PABPC1L: variants seen among roughly 807,000 people sequenced by gnomAD.
PABPC1L encodes polyadenylate-binding protein 1-like.
PABPC1L carries 31 observed loss-of-function variants against 66.6 expected under a neutral mutation model. The observed-to-expected ratio is 0.47, with a 90% CI of 0.35 to 0.63. PABPC1L has a LOEUF of 0.63. PABPC1L is among the 20% of genes least tolerant of loss of function. The probability of loss-of-function intolerance (pLI) is 0.00; values close to 1 mark genes in which losing one functional copy is unlikely to be tolerated. For synonymous variants in PABPC1L, 348 were observed against 335.1 expected (o/e 1.04, Z -0.42); for missense variants, 722 against 848.8 (o/e 0.85, Z 1.86).
chr20:44,933,748 ATT>A (rs749525367), intron 10 of PABPC1L, among the ~76,000 whole-genome samples: 26 of 119,416 alleles, frequency 2.2e-4, no homozygotes, highest in Admixed American at 5.2e-4. Flanking sequence ...CCCAGCCTTA[ATT>A]TTTTTTTTTT....
intron 10 of PABPC1L, among the ~76,000 whole-genome samples, chr20:44,935,081 AAAAG>A (rs987517014): frequency 7.9e-5 from 12 of 151,990 alleles, no homozygotes; most frequent in East Asian, 1.9e-4. Flanking sequence ...AAAAAAAAAA[AAAAG>A]AAAGAAAATG....
rs6513956 is a variant in PABPC1L at position 44,935,420 on chromosome 20, A to G, written c.1489A>G (p.Ser497Gly). 3.7e-6 allele frequency: 6 copies of G among 1,613,976 alleles called. No homozygotes were observed. Among genetic ancestry groups the G allele is most frequent in the African/African-American group, 2.7e-5 (2 of 74,898 alleles). The stretch of plus-strand genomic sequence containing the variant: ...CATTGGTACTCAGACCACAGGACCC[A>G]GTGGGGTAGGATGCTGTACACCAGG... ...ANIGTQTTGPSGVGCCTPGRP... is the reference protein window; with the variant it reads ...ANIGTQTTGPGGVGCCTPGRP... The change falls in exon 11 of 15, where the codon AGT becomes GGT. Residue 497 changes from serine to glycine, a missense_variant. Transcript: ENST00000217073.
At position 44,938,713 on chromosome 20, in the gene PABPC1L, A is replaced by G. The variant is rs778373038; in HGVS notation, c.1831A>G (p.Met611Val). 4.0e-5 allele frequency: 64 copies of G among 1,612,034 alleles called. No individual in the cohort carries two copies. The East Asian group carries it at 7.1e-4, about 18-fold the overall frequency. Residue 611 changes from methionine to valine, a missense_variant, in exon 14 of 15, where the codon ATG becomes GTG. By Grantham distance (21) the Met-to-Val change is conservative. Around this residue, in one of 3 missense-constraint regions of PABPC1L, gnomAD observed 301 missense variants for 337.2 expected, o/e 0.89. Transcript: ENST00000217073. ...GGCCGTGCTGCAGGCACACCAGGCT[A>G]TGGAGCAGCCGAAGGCGTACATGCA... ...AVAVLQAHQA[M>V]EQPKAYMH
rs372001152 is a variant in PABPC1L at position 44,933,180 on chromosome 20, G to A, written c.1454G>A (p.Arg485Lys). 3.7e-6 allele frequency: 6 copies of A among 1,603,454 alleles called. No individual in the cohort carries two copies. The highest frequency in any genetic ancestry group is 5.1e-6 in the Non-Finnish European group (6 of 1,175,696). ...QVPRTVPHTQ[R>K]VANIGTQTTG... ...CCACGCACGGTGCCTCATACCCAGA[G>A]AGTAGGTGAGTGTGGGTAGGGCCAA... The change falls in exon 10 of 15, where the codon AGA becomes AAA. Residue 485 changes from arginine (R) to lysine (K), a missense_variant. Around this residue, in one of 3 missense-constraint regions of PABPC1L, gnomAD observed 301 missense variants for 337.2 expected, o/e 0.89. Transcript: ENST00000217073.
intron 10 of PABPC1L, among the ~76,000 whole-genome samples, chr20:44,933,548 C>T (rs762637628): frequency 4.6e-5 from 7 of 151,326 alleles, no homozygotes; most frequent in South Asian, 2.1e-4. Flanking sequence ...CAGGTTCAAG[C>T]GATTGTCCTG....
rs763497254 is a variant in PABPC1L at position 44,930,573 on chromosome 20, A to G, written c.1086A>G (p.Pro362=). ...ACGGGCGCATCGTGGGCACCAAGCC[A>G]CTCTACGTGGCACTGGCCCAGCGCA... The part of the protein sequence containing the change: ...EMNGRIVGTK[P]LYVALAQRKE... The change falls in exon 8 of 15, where the codon CCA becomes CCG. Residue 362 remains proline, a synonymous_variant. Transcript: ENST00000217073. 1 of 1,614,184 alleles carries G rather than the reference A, an allele frequency of 6.2e-7. No individual in the cohort carries two copies. Among genetic ancestry groups the G allele is most frequent in the Admixed American group, 1.7e-5 (1 of 60,028 alleles).
chr20:44,915,877 A>T (rs1379561879), intron 2 of PABPC1L, among the ~76,000 whole-genome samples: 1 of 152,094 alleles, frequency 6.6e-6, no homozygotes, highest in African/African-American at 2.4e-5. Context: ...AACAATGTGG[A>T]AGGGAAGAAA....
Position 44,910,263 on chromosome 20 carries a change from C to A in PABPC1L, c.120C>A (p.Ile40=). 6.4e-7 allele frequency: 1 copy of A among 1,556,976 alleles called. No individual in the cohort carries two copies. Among genetic ancestry groups the A allele is most frequent in the Non-Finnish European group, 8.7e-7 (1 of 1,150,352 alleles). Residue 40 remains isoleucine, a synonymous_variant, in exon 1 of 15, where the codon ATC becomes ATA. Transcript: ENST00000217073. ...KFSPAGPILS[I]RVCRDVATRR... ...CTCCCGCCGGCCCCATCCTGTCCAT[C>A]CGCGTGTGCCGCGATGTAGCCACCC...
At chr20:44,935,705 C>T (rs1020490143) in intron 11 of PABPC1L, among the ~76,000 whole-genome samples, 3 of 152,058 alleles carry the variant, frequency 2.0e-5, no homozygotes, top group South Asian at 2.1e-4. Context: ...TGTTTTGCTT[C>T]GGTTATTACC....
At chr20:44,926,255 C>T (rs2066808425) in intron 7 of PABPC1L, among the ~76,000 whole-genome samples, 1 of 152,104 alleles carries the variant, frequency 6.6e-6, no homozygotes, top group African/African-American at 2.4e-5. Context: ...GTGATGGAGT[C>T]TAGCTCTGTT....
chr20:44,918,931 C>G lies in PABPC1L; in HGVS notation c.529C>G (p.Arg177Gly). 6.2e-7 allele frequency: 1 copy of G among 1,603,688 alleles called. No individual in the cohort carries two copies. The highest frequency in any genetic ancestry group is 8.5e-7 in the Non-Finnish European group (1 of 1,175,086). Reference sequence around the variant, plus strand: ...CTTTGTGGGTCACTTCAAGTCTCGACGGGAGCGGGAGGCGGAGCTGGGGGC... The same window carrying G: ...CTTTGTGGGTCACTTCAAGTCTCGAGGGGAGCGGGAGGCGGAGCTGGGGGC... ...KVFVGHFKSR[R>G]EREAELGARA... Residue 177 changes from arginine (R) to glycine (G), a missense_variant, in exon 4 of 15, where the codon CGG (arginine) becomes GGG (glycine). This residue lies in a region of PABPC1L where 284 missense variants were observed against 294.8 expected (regional missense o/e 0.96). Coordinates refer to ENST00000217073, the MANE Select transcript of PABPC1L (RefSeq NM_001372179.1).
At position 44,939,290 on chromosome 20, in the gene PABPC1L, T is replaced by G; in HGVS notation, c.*171T>G. 1.4e-6 allele frequency: 1 copy of G among 705,818 alleles called. No homozygotes were observed. The highest frequency in any genetic ancestry group is 2.6e-6 in the Non-Finnish European group (1 of 379,868). 43.7% of individuals were successfully genotyped at this position (705,818 alleles called of 1,614,324 possible). A position where few individuals can be genotyped will look rare whatever the true frequency, so the allele number is the denominator to read the frequency against. ...CCATCCAGCCTATTACCTTTTGCTTTGTGTATTAAAAGTGCTGCAAAATCT... is the reference window on the plus strand; with the variant it reads ...CCATCCAGCCTATTACCTTTTGCTTGGTGTATTAAAAGTGCTGCAAAATCT... On this transcript the variant is annotated 3_prime_UTR_variant, in exon 15 of 15. Transcript: ENST00000217073.
chr20:44,933,074 G>T lies in PABPC1L; in HGVS notation c.1348G>T (p.Ala450Ser). Residue 450 changes from alanine (A) to serine (S), a missense_variant, in exon 10 of 15, where the codon GCC becomes TCC. Ala to Ser is a moderately conservative substitution (Grantham distance 99, BLOSUM62 1). This residue lies in a region of PABPC1L where 301 missense variants were observed against 337.2 expected (regional missense o/e 0.89). Coordinates refer to ENST00000217073, the MANE Select transcript of PABPC1L (RefSeq NM_001372179.1). ...ACCACAAGCTGCCTACCCTCCAGGT[G>T]CCTCAATGGTCCGGCCACCAGTTGT... ...PRPSSAYPPGASMVRPPVVPR... is the reference protein window; with the variant it reads ...PRPSSAYPPGSSMVRPPVVPR... 1 of 1,591,462 alleles carries T rather than the reference G, an allele frequency of 6.3e-7. No homozygotes were observed. The highest frequency in any genetic ancestry group is 1.7e-4 in the Middle Eastern group (1 of 6,028).
At chr20:44,936,311 G>A (rs577008844) in intron 11 of PABPC1L, among the ~76,000 whole-genome samples, 4 of 152,234 alleles carry the variant, frequency 2.6e-5, no homozygotes, top group South Asian at 2.1e-4. Flanking sequence ...GAGGTGTGCC[G>A]GGGACATGTC....
At chr20:44,937,477 C>T (rs944676719) in intron 12 of PABPC1L, among the ~76,000 whole-genome samples, 3 of 151,998 alleles carry the variant, frequency 2.0e-5, no homozygotes, top group Admixed American at 6.6e-5. Flanking sequence ...TGCAGTGGCA[C>T]GATTTTGGCT....
intron 9 of PABPC1L, chr20:44,932,770 G>A: frequency 4.0e-6 from 2 of 496,326 alleles, no homozygotes; most frequent in Admixed American, 3.3e-5. Context: ...AGAGTGAATT[G>A]CACGCTCACT....
At chr20:44,910,850 C>A (rs2066699431) in intron 1 of PABPC1L, among the ~76,000 whole-genome samples, 1 of 152,180 alleles carries the variant, frequency 6.6e-6, no homozygotes, top group South Asian at 2.1e-4. Flanking sequence ...CCACACTGGG[C>A]GCCTCTACCT....
intron 3 of PABPC1L, among the ~76,000 whole-genome samples, chr20:44,918,457 A>G (rs1461159562): frequency 2.0e-5 from 3 of 152,218 alleles, no homozygotes; most frequent in Admixed American, 2.0e-4. Flanking sequence ...CACCCAATAC[A>G]TGTTAATAAG....
chr20:44,911,584 T>C (rs2066705159), intron 1 of PABPC1L, among the ~76,000 whole-genome samples: 1 of 152,136 alleles, frequency 6.6e-6, no homozygotes, highest in South Asian at 2.1e-4. Flanking sequence ...AGGGATCCCT[T>C]GCGCCAGGTC....
Sources: gnomAD v4.1 joint callset for allele counts (sites outside exome capture counted in the v4.1 genomes callset) on GRCh38, gnomAD v4.1.1 for gene constraint, gnomAD v4.1.1 regional missense constraint, MANE v1.5 for transcripts, NCBI Gene and HGNC (gene_info 2026-07-23, HGNC 2026-07-21) for gene names.